Variants in CDKL5 observed in about 807,000 individuals in gnomAD.
CDKL5 encodes the protein cyclin-dependent kinase-like 5.
A neutral mutation model predicts 61.7 loss-of-function variants in CDKL5; 8 were observed. The ratio of observed to expected loss-of-function variants is 0.13; its 90% CI spans 0.08 to 0.23. CDKL5 has a LOEUF of 0.23. Among genes scored for constraint, CDKL5 ranks in the 10% least tolerant of loss-of-function variants. The pLI, the probability that CDKL5 is intolerant of heterozygous loss-of-function variation, is 1.00. For missense variants in CDKL5, 440 were observed against 734.5 expected (o/e 0.60, Z 4.63); for synonymous variants, 275 against 272.3 (o/e 1.01, Z -0.10).
intron 1 of CDKL5, among the ~76,000 whole-genome samples, chrX:18,473,775 C>T (rs1305257772): frequency 6.6e-5 from 7 of 106,852 alleles, no homozygotes; most frequent in African/African-American, 1.7e-4. Flanking sequence ...GCAGTGGCGC[C>T]GATTTCGGCT....
chrX:18,481,320 GTTTCTTTCTTTCTTTC>G (rs201816691), intron 1 of CDKL5, among the ~76,000 whole-genome samples: 2,461 of 84,663 alleles, frequency 0.029, 63 homozygotes, highest in African/African-American at 0.075. Context: ...AAGAGTCCTG[GTTTCTTTCTTTCTTTC>G]TTTCTTTCTT....
chrX:18,560,709 C>T (rs1924771688), intron 3 of CDKL5, among the ~76,000 whole-genome samples: 2 of 110,080 alleles, frequency 1.8e-5, no homozygotes, highest in South Asian at 3.9e-4. Context: ...GTAGGAACAA[C>T]GTTTAAGGTT....
chrX:18,618,000 T>C (rs1195768834), intron 15 of CDKL5, among the ~76,000 whole-genome samples: 1 of 112,061 alleles, frequency 8.9e-6, no homozygotes, highest in African/African-American at 3.2e-5. Context: ...TTTCATCTTA[T>C]TCACCGTTTC....
chrX:18,576,100 T>C (rs1925287736), intron 5 of CDKL5, among the ~76,000 whole-genome samples: 1 of 111,884 alleles, frequency 8.9e-6, no homozygotes, highest in South Asian at 3.7e-4. Flanking sequence ...AGGGCAAATG[T>C]ATGTTACAGT....
intron 16 of CDKL5, among the ~76,000 whole-genome samples, chrX:18,623,217 T>C (rs1926942794): frequency 8.9e-6 from 1 of 112,107 alleles, no homozygotes; most frequent in Non-Finnish European, 1.9e-5. Flanking sequence ...CTTGTGATGA[T>C]GCTTCCATTT....
chrX:18,647,400 TAACAA>T, intron 20 of CDKL5: 1 of 1,138,587 alleles, frequency 8.8e-7, no homozygotes, highest in Non-Finnish European at 1.2e-6. Context: ...GTGACTGAAA[TAACAA>T]AACAAACCCA....
intron 20 of CDKL5, among the ~76,000 whole-genome samples, chrX:18,648,046 C>T (rs191462590): frequency 4.5e-5 from 5 of 110,831 alleles, no homozygotes; most frequent in Admixed American, 9.6e-5. Flanking sequence ...ACAGTAAAAA[C>T]GGTGTTGAGG....
chrX:18,588,841 G>C (rs1925727668), intron 9 of CDKL5: 1 of 108,751 alleles, frequency 9.2e-6, no homozygotes, highest in African/African-American at 3.4e-5. Context: ...TTGAACCCAA[G>C]AGGCAGAGGT....
chrX:18,605,749 C>T (rs1926343275), intron 12 of CDKL5, among the ~76,000 whole-genome samples: 1 of 112,806 alleles, frequency 8.9e-6, no homozygotes, highest in Non-Finnish European at 1.9e-5. Context: ...CTTGCTGCTT[C>T]TGTGATTGTG....
intron 3 of CDKL5, chrX:18,535,192 G>T: frequency 8.4e-6 from 1 of 119,162 alleles, no homozygotes. Flanking sequence ...CTGCAGTTGA[G>T]TCAGCCTGGG....
intron 1 of CDKL5, among the ~76,000 whole-genome samples, chrX:18,427,320 C>T (rs867495872): frequency 1.2e-3 from 5 of 4,182 alleles, no homozygotes; most frequent in Non-Finnish European, 1.9e-3. Flanking sequence ...TTTTTCGGGG[C>T]GGGGGTTGGG....
At chrX:18,591,859 C>G (rs1925842731) in intron 9 of CDKL5, among the ~76,000 whole-genome samples, 1 of 111,811 alleles carries the variant, frequency 8.9e-6, no homozygotes, top group Admixed American at 9.5e-5. Context: ...ACTGGTGACC[C>G]TATAACACTC....
Position 18,630,511 on chromosome X carries a change from T to A in CDKL5, c.*1754T>A, listed in dbSNP as rs1300808302. On this transcript the variant is annotated 3_prime_UTR_variant, in exon 18 of 18. Transcript: ENST00000623535. ...AGCTATGATCAAAATGTGCTGTTAC[T>A]GTTAACCCTCCCCCGAGATTTTGAG... The A allele has an allele frequency of 1.3e-6, 1 of 750,188 alleles. No individual in the cohort carries two copies. The highest frequency in any genetic ancestry group is 8.9e-5 in the Admixed American group (1 of 11,184). The allele number at this position is 750,188 out of a possible 1,213,427, so 61.8% of individuals were successfully genotyped here.
chrX:18,495,343 G>A (rs957367432), intron 1 of CDKL5, among the ~76,000 whole-genome samples: 9 of 112,373 alleles, frequency 8.0e-5, no homozygotes, highest in Non-Finnish European at 1.7e-4. Flanking sequence ...AATAATCTAT[G>A]AAATAAATTA....
intron 1 of CDKL5, among the ~76,000 whole-genome samples, chrX:18,483,741 G>A (rs1329430827): frequency 9.0e-6 from 1 of 111,064 alleles, no homozygotes; most frequent in Non-Finnish European, 1.9e-5. Context: ...ATTGGTCTTG[G>A]ATTGTTGAAA....
At position 18,601,115 on chromosome X, in the gene CDKL5, T is replaced by C. The variant is rs142087680; in HGVS notation, c.977+2502T>C. On this transcript the variant is annotated intron_variant, in intron 11 of 17. Transcript: ENST00000623535. ...TTGCCACGTACAAACTCCCCTGCCT[T>C]GTCTCTGGAGACACAAACATGCTGT... 7.4e-3 allele frequency among the ~76,000 whole-genome samples: 828 copies of C among 111,945 alleles called. 8 individuals carry two copies. The highest frequency in any genetic ancestry group is 0.014 in the Middle Eastern group (3 of 219).
chrX:18,461,165 T>C (rs928584250), intron 1 of CDKL5, among the ~76,000 whole-genome samples: 1 of 112,537 alleles, frequency 8.9e-6, no homozygotes, highest in South Asian at 3.6e-4. Flanking sequence ...AAACTATGAA[T>C]GTTTTTGTAC....
chrX:18,553,465 C>CTTGTGTGTGT (rs1459635424), intron 3 of CDKL5, among the ~76,000 whole-genome samples: 11 of 90,831 alleles, frequency 1.2e-4, no homozygotes, highest in African/African-American at 4.4e-4. Flanking sequence ...TGTGTGTGTG[C>CTTGTGTGTGT]GTGTGTGTGT....
rs188667216 is a variant in CDKL5, at chrX:18,556,061, C to A, written c.100-8416C>A. Among the ~76,000 whole-genome samples, 3 of 111,746 alleles carry A rather than the reference C, an allele frequency of 2.7e-5. No individual in the cohort carries two copies. The Admixed American group carries it at 2.9e-4, about 11-fold the overall frequency. On this transcript the variant is annotated intron_variant, in intron 3 of 17. Transcript: ENST00000623535. ...TATTTTATATTTCTATAGTACTTGGCAAATGCATATTAGCTCTGACCTGCT... is the reference window on the plus strand; with the variant it reads ...TATTTTATATTTCTATAGTACTTGGAAAATGCATATTAGCTCTGACCTGCT...
Sources: gnomAD v4.1 joint callset for allele counts (sites outside exome capture counted in the v4.1 genomes callset) on GRCh38, gnomAD v4.1.1 for gene constraint, MANE v1.5 for transcripts, NCBI Gene and HGNC (gene_info 2026-07-23, HGNC 2026-07-21) for gene names.